SLC25A17: variants seen among roughly 807,000 people sequenced by gnomAD.
SLC25A17 encodes the protein solute carrier family 25 member 17.
SLC25A17 carries 26 observed loss-of-function variants against 38.5 expected under a neutral mutation model. That is an observed-to-expected ratio of 0.68 (90% CI 0.50 to 0.94). The LOEUF (loss-of-function observed/expected upper bound fraction) is 0.94. SLC25A17 is among the 40% of genes least tolerant of loss of function. The pLI is 0.00. For synonymous variants in SLC25A17, 139 were observed against 136.2 expected (o/e 1.02, Z -0.14); for missense variants, 333 against 372.7 (o/e 0.89, Z 0.88).
intron 1 of SLC25A17, among the ~76,000 whole-genome samples, chr22:40,812,333 C>A (rs1305603876): frequency 6.6e-6 from 1 of 152,178 alleles, no homozygotes; most frequent in East Asian, 1.9e-4. Context: ...TCAACACAAT[C>A]CACATATGAA....
chr22:40,781,787 T>G (rs567463461), intron 4 of SLC25A17, among the ~76,000 whole-genome samples: 54 of 152,240 alleles, frequency 3.5e-4, no homozygotes, highest in African/African-American at 1.3e-3. Context: ...TACTAAAACT[T>G]GCAACCTATA....
At chr22:40,807,291 T>C (rs993845150) in intron 1 of SLC25A17, among the ~76,000 whole-genome samples, 2 of 152,200 alleles carry the variant, frequency 1.3e-5, no homozygotes, top group African/African-American at 2.4e-5. Flanking sequence ...GCAGGCACTA[T>C]CATTCTCTTT....
At chr22:40,776,429 C>T (rs1029730255) in intron 7 of SLC25A17, 1 of 317,846 alleles carries the variant, frequency 3.1e-6, no homozygotes, top group Non-Finnish European at 6.2e-6. Context: ...TGCTGGGGCA[C>T]CAAACCAATC....
At chr22:40,808,868 C>T (rs1043102119) in intron 1 of SLC25A17, among the ~76,000 whole-genome samples, 16 of 152,078 alleles carry the variant, frequency 1.1e-4, no homozygotes, top group African/African-American at 3.9e-4. Context: ...ATGCTATTTG[C>T]CTTTCTCATT....
chr22:40,782,469 A>C (rs1332137641), intron 4 of SLC25A17, among the ~76,000 whole-genome samples: 1 of 152,226 alleles, frequency 6.6e-6, no homozygotes, highest in African/African-American at 2.4e-5. Flanking sequence ...AAAATTATTC[A>C]CTAAATCAAG....
intron 4 of SLC25A17, among the ~76,000 whole-genome samples, chr22:40,781,491 C>A (rs569790364): frequency 6.6e-6 from 1 of 152,076 alleles, no homozygotes; most frequent in African/African-American, 2.4e-5. Context: ...GTGATCCGCC[C>A]GCCTCGGCCT....
intron 2 of SLC25A17, chr22:40,797,443 C>T (rs1421264647): frequency 3.0e-5 from 15 of 500,014 alleles, no homozygotes; most frequent in Non-Finnish European, 5.8e-5. Context: ...GAGTATGTGG[C>T]TCCAGTATGT....
In SLC25A17 at chr22:40,789,605, C is replaced by T. The variant is rs2057367832; in HGVS notation, c.334+2920G>A. Among the ~76,000 whole-genome samples, 1 of 151,896 alleles carries T rather than the reference C, an allele frequency of 6.6e-6. No homozygotes were observed. The highest frequency in any genetic ancestry group is 1.5e-5 in the Non-Finnish European group (1 of 67,988). Reference sequence around the variant, plus strand: ...CACTGCAACCTCTGCCTGCCAGGTTCAAACAATTCTCCTGCCTCAGTCTCC... The same window carrying T: ...CACTGCAACCTCTGCCTGCCAGGTTTAAACAATTCTCCTGCCTCAGTCTCC... On this transcript the variant is annotated intron_variant, in intron 4 of 8. Transcript: ENST00000435456. This position sits in a 1 kb window ranked among gnomAD's most constrained non-coding sequence, Gnocchi z 4.5.
intron 2 of SLC25A17, among the ~76,000 whole-genome samples, chr22:40,798,448 C>T (rs1219391741): frequency 6.6e-6 from 1 of 152,002 alleles, no homozygotes; most frequent in Non-Finnish European, 1.5e-5. Flanking sequence ...TCCTTCCCCA[C>T]TGTAATCTGG....
At chr22:40,784,617 TAA>T in intron 4 of SLC25A17, 1 of 210,740 alleles carries the variant, frequency 4.7e-6, no homozygotes, top group Non-Finnish European at 1.0e-5. Flanking sequence ...GTACAAAAAA[TAA>T]AAAAAAATTA....
At chr22:40,788,059 A>C (rs1432722723) in intron 4 of SLC25A17, among the ~76,000 whole-genome samples, 1 of 152,148 alleles carries the variant, frequency 6.6e-6, no homozygotes, top group Non-Finnish European at 1.5e-5. Context: ...CTTGGCCTTA[A>C]TCTGTTTACT....
chr22:40,814,241 A>G (rs2057611895), intron 1 of SLC25A17, among the ~76,000 whole-genome samples: 1 of 152,228 alleles, frequency 6.6e-6, no homozygotes, highest in African/African-American at 2.4e-5. Flanking sequence ...CTTAACAGAC[A>G]CTGTCTTGCT....
chr22:40,802,689 T>A (rs535360719), intron 1 of SLC25A17, among the ~76,000 whole-genome samples: 1 of 152,174 alleles, frequency 6.6e-6, no homozygotes, highest in Non-Finnish European at 1.5e-5. Flanking sequence ...GTAACAGTTT[T>A]ATAAATTTAG....
intron 3 of SLC25A17, among the ~76,000 whole-genome samples, chr22:40,793,266 T>C (rs1289876305): frequency 6.6e-6 from 1 of 152,158 alleles, no homozygotes; most frequent in East Asian, 1.9e-4. Context: ...AATGCCAACA[T>C]TGGTACCTGT....
intron 2 of SLC25A17, among the ~76,000 whole-genome samples, chr22:40,798,579 C>T (rs1488302434): frequency 6.7e-6 from 1 of 148,778 alleles, no homozygotes; most frequent in Admixed American, 6.8e-5. Flanking sequence ...GATACAGTTT[C>T]AGCTGAAAAG....
At chr22:40,771,030 G>A in intron 8 of SLC25A17, 49 bp from the exon 9 acceptor site, 2 of 1,477,164 alleles carry the variant, frequency 1.4e-6, no homozygotes, top group Non-Finnish European at 1.8e-6. Flanking sequence ...CTGCATCAGA[G>A]AACATGCTAC....
chr22:40,819,332 G>A lies in SLC25A17; in HGVS notation c.-84C>T, dbSNP rs955975716. 29 of 1,464,096 alleles carry A rather than the reference G, an allele frequency of 2.0e-5. 2 individuals carry two copies. The South Asian group carries it at 3.2e-4, about 16-fold the overall frequency. The allele number at this position is 1,464,096 out of a possible 1,614,324, so 90.7% of individuals were successfully genotyped here. ...GTTAGGAAAGGAGCACCGGAGCTCA[G>A]GGTGTGAGAGTCGCAATCCCCGCCC... On this transcript the variant is annotated 5_prime_UTR_variant, in exon 1 of 9. Transcript: ENST00000435456.
At position 40,770,702 on chromosome 22, in the gene SLC25A17, T is replaced by C. The variant is rs1216558487; in HGVS notation, c.*132A>G. The C allele has an allele frequency of 1.4e-5, 13 of 943,946 alleles. No individual in the cohort carries two copies. The Admixed American group carries it at 3.0e-4, about 22-fold the overall frequency. The allele number at this position is 943,946 out of a possible 1,614,324, so 58.5% of individuals were successfully genotyped here. A position where few individuals can be genotyped will look rare whatever the true frequency, so the allele number is the denominator to read the frequency against. On this transcript the variant is annotated 3_prime_UTR_variant, in exon 9 of 9. Transcript: ENST00000435456. The stretch of plus-strand genomic sequence containing the variant: ...AGTTGGCCATACTCCCTGTGCACCC[T>C]TGGATGCTTTTCAAGCCAATGAGGG...
At chr22:40,776,261 G>A (rs1208004022) in intron 7 of SLC25A17, 3 of 466,002 alleles carry the variant, frequency 6.4e-6, no homozygotes, top group African/African-American at 2.0e-5. Context: ...GCATGCCCAG[G>A]TCCTCCCACA....
Sources: allele counts gnomAD v4.1 joint callset (sites outside exome capture counted in the v4.1 genomes callset), GRCh38; gene constraint gnomAD v4.1.1; non-coding constraint Gnocchi (gnomAD v3.1); transcripts MANE v1.5; gene names NCBI Gene and HGNC (gene_info 2026-07-23, HGNC 2026-07-21).